Variants in FRYL observed in about 807,000 individuals in gnomAD.
FRYL encodes FRY like transcription coactivator.
A neutral mutation model predicts 351.2 loss-of-function variants in FRYL; 150 were observed. That is an observed-to-expected ratio of 0.43 (90% CI 0.37 to 0.49). The LOEUF is 0.49. Ranked by LOEUF, FRYL falls within the 20% of genes least tolerant of loss-of-function variation. The pLI is 0.00. For synonymous variants in FRYL, 1,153 were observed against 1,257.1 expected (o/e 0.92, Z 1.75); for missense variants, 3,036 against 3,619.3 (o/e 0.84, Z 4.13).
chr4:48,700,952 A>ATCACATTGCAGAAACTAGAC (rs1766656898), intron 2 of FRYL, among the ~76,000 whole-genome samples: 1 of 152,094 alleles, frequency 6.6e-6, no homozygotes, highest in Non-Finnish European at 1.5e-5. Context: ...AAAACTTAAA[A>ATCACATTGCAGAAACTAGAC]TCACATTGCA....
chr4:48,751,619 G>A (rs559050327), intron 1 of FRYL, among the ~76,000 whole-genome samples: 1 of 152,164 alleles, frequency 6.6e-6, no homozygotes, highest in East Asian at 1.9e-4. Flanking sequence ...AGCAGGAATA[G>A]ACAATAATTC....
At chr4:48,619,676 A>G (rs1750261424) in intron 6 of FRYL, among the ~76,000 whole-genome samples, 1 of 151,722 alleles carries the variant, frequency 6.6e-6, no homozygotes, top group South Asian at 2.1e-4. Flanking sequence ...AGCTAATTTT[A>G]TTTTTTCTAG....
At chr4:48,624,332 C>A (rs568860624) in intron 4 of FRYL, among the ~76,000 whole-genome samples, 1 of 151,930 alleles carries the variant, frequency 6.6e-6, no homozygotes, top group African/African-American at 2.4e-5. Flanking sequence ...ACACAGAAGA[C>A]GTGGTGGGAC....
At chr4:48,609,722 C>A in intron 8 of FRYL, 22 bp downstream of exon 8, 1 of 1,273,530 alleles carries the variant, frequency 7.9e-7, no homozygotes, top group Non-Finnish European at 1.1e-6. Context: ...AGGCAACAAT[C>A]CCAAGTTAGT....
At chr4:48,740,515 G>A (rs565737491) in intron 1 of FRYL, among the ~76,000 whole-genome samples, 2 of 151,802 alleles carry the variant, frequency 1.3e-5, no homozygotes, top group African/African-American at 2.4e-5. Flanking sequence ...GGCTGGTCTC[G>A]AACTCCTGAC....
chr4:48,565,497 TAAG>T, intron 29 of FRYL, 31 bp downstream of exon 29: 1 of 1,503,780 alleles, frequency 6.6e-7, no homozygotes, highest in Non-Finnish European at 8.9e-7. Context: ...ACTCTGCTCT[TAAG>T]AAAAAAGAAA....
chr4:48,725,959 G>A (rs1204103284), intron 1 of FRYL, among the ~76,000 whole-genome samples: 2 of 152,114 alleles, frequency 1.3e-5, no homozygotes, highest in Non-Finnish European at 2.9e-5. Flanking sequence ...ATCTACTGAG[G>A]ATAAGGGGAA....
intron 2 of FRYL, among the ~76,000 whole-genome samples, chr4:48,708,692 A>G (rs1466571801): frequency 6.6e-6 from 1 of 152,152 alleles, no homozygotes; most frequent in Non-Finnish European, 1.5e-5. Context: ...TCTTGGGCTC[A>G]AGTAATCCTC....
At chr4:48,771,544 TTAGACTTAACAA>T (rs1775507153) in intron 1 of FRYL, among the ~76,000 whole-genome samples, 1 of 152,180 alleles carries the variant, frequency 6.6e-6, no homozygotes, top group Non-Finnish European at 1.5e-5. Flanking sequence ...TCCACTTGAG[TTAGACTTAACAA>T]GACAATTTTT....
At chr4:48,685,334 A>G (rs1996422) in intron 2 of FRYL, among the ~76,000 whole-genome samples, 48,264 of 152,048 alleles carry the variant, frequency 0.32, 8,145 homozygotes, top group South Asian at 0.43. Context: ...CTAAATTTAA[A>G]CAAAATCCAT....
At chr4:48,557,328 GTC>G in intron 34 of FRYL, 123 bp downstream of exon 34, 2 of 1,311,684 alleles carry the variant, frequency 1.5e-6, no homozygotes, top group Non-Finnish European at 2.1e-6. Flanking sequence ...TATCTAATGA[GTC>G]TTTTTTAAAG....
rs1335817041 is a variant in FRYL, at chr4:48,498,125, G to C, written c.*1297C>G. The C allele has an allele frequency of 6.7e-6, 1 of 149,638 alleles. No homozygotes were observed. The highest frequency in any genetic ancestry group is 2.5e-5 in the African/African-American group (1 of 40,488). The allele number at this position is 149,638 out of a possible 1,614,324, so 9.3% of individuals were successfully genotyped here. On this transcript the variant is annotated 3_prime_UTR_variant, in exon 64 of 64. Coordinates refer to ENST00000358350, the MANE Select transcript of FRYL (RefSeq NM_015030.2). ...CAAAATGCGATTTTAGAAAAGGATA[G>C]AGACTCCAGTTCATGTTATACTACA...
intron 4 of FRYL, among the ~76,000 whole-genome samples, chr4:48,627,868 T>C (rs1752141212): frequency 6.6e-6 from 1 of 152,034 alleles, no homozygotes; most frequent in African/African-American, 2.4e-5. Flanking sequence ...GCTTCCTGGG[T>C]TTAAGTGATT....
chr4:48,638,300 T>A (rs1045701934), intron 3 of FRYL: 3 of 152,140 alleles, frequency 2.0e-5, no homozygotes, highest in African/African-American at 4.8e-5. Flanking sequence ...ATACACCATA[T>A]TGGCTAATAA....
chr4:48,776,133 T>C (rs565455866), intron 1 of FRYL, among the ~76,000 whole-genome samples: 25 of 150,254 alleles, frequency 1.7e-4, no homozygotes, highest in African/African-American at 6.1e-4. Context: ...GGAGCAGTGT[T>C]ATGTGACACT....
At chr4:48,669,856 T>C (rs1477882118) in intron 3 of FRYL, among the ~76,000 whole-genome samples, 3 of 152,032 alleles carry the variant, frequency 2.0e-5, no homozygotes, top group Non-Finnish European at 4.4e-5. Context: ...TTTAATAATA[T>C]ACATCCGTGT....
At chr4:48,577,569 C>T (rs1739903394) in intron 23 of FRYL, among the ~76,000 whole-genome samples, 1 of 151,954 alleles carries the variant, frequency 6.6e-6, no homozygotes, top group Non-Finnish European at 1.5e-5. Flanking sequence ...TCAGATGGTG[C>T]TAAGTTTGAT....
At chr4:48,758,683 A>G (rs537355080) in intron 1 of FRYL, among the ~76,000 whole-genome samples, 5 of 152,380 alleles carry the variant, frequency 3.3e-5, no homozygotes, top group South Asian at 4.1e-4. Context: ...CGATTCCTCA[A>G]GGATCTAGAA....
chr4:48,599,021 T>C (rs1222721707), intron 13 of FRYL: 1 of 172,828 alleles, frequency 5.8e-6, no homozygotes, highest in Non-Finnish European at 1.1e-5. Flanking sequence ...CCAGAAACAC[T>C]AAGAAAAAAA....
Sources: gnomAD v4.1 joint callset for allele counts (sites outside exome capture counted in the v4.1 genomes callset) on GRCh38, gnomAD v4.1.1 for gene constraint, MANE v1.5 for transcripts, NCBI Gene and HGNC (gene_info 2026-07-23, HGNC 2026-07-21) for gene names.